FGD6: variants seen among roughly 807,000 people sequenced by gnomAD.
FGD6 encodes FYVE, RhoGEF and PH domain containing 6.
A neutral mutation model predicts 149.4 loss-of-function variants in FGD6; 90 were observed. The ratio of observed to expected loss-of-function variants is 0.60; its 90% confidence interval spans 0.51 to 0.72. The LOEUF is 0.72. Ranked by LOEUF, FGD6 falls within the 30% of genes least tolerant of loss-of-function variation. The probability of loss-of-function intolerance (pLI) is 0.00; values close to 1 mark genes in which losing one functional copy is unlikely to be tolerated. For synonymous variants in FGD6, 527 were observed against 584.0 expected, an observed-to-expected ratio of 0.90 and a Z score of 1.41; for missense variants, 1,437 against 1,684.8, an observed-to-expected ratio of 0.85 and a Z score of 2.57.
chr12:95,169,521 C>T (rs1271905214), intron 3 of FGD6, among the ~76,000 whole-genome samples: 1 of 152,142 alleles, frequency 6.6e-6, no homozygotes, highest in Non-Finnish European at 1.5e-5. Flanking sequence ...CCCTGGGAGT[C>T]TCCACTGCCC....
At chr12:95,141,079 A>C (rs2136262823) in intron 6 of FGD6, among the ~76,000 whole-genome samples, 1 of 151,858 alleles carries the variant, frequency 6.6e-6, no homozygotes, top group South Asian at 2.1e-4. Flanking sequence ...AAAAATTAGA[A>C]AGGCGTGGTG....
chr12:95,152,444 A>AGTAAGAAAATTGCCTATTTC (rs1319147049), intron 5 of FGD6, among the ~76,000 whole-genome samples: 1 of 152,224 alleles, frequency 6.6e-6, no homozygotes, highest in Non-Finnish European at 1.5e-5. Flanking sequence ...AAGGAAAAAT[A>AGTAAGAAAATTGCCTATTTC]GTAAGAAAAT....
chr12:95,187,102 C>T (rs754598866), intron 2 of FGD6, among the ~76,000 whole-genome samples: 2 of 151,976 alleles, frequency 1.3e-5, no homozygotes, highest in African/African-American at 4.8e-5. Context: ...GATGCCGAGG[C>T]GGGCAGATCA....
intron 7 of FGD6, among the ~76,000 whole-genome samples, chr12:95,135,697 G>C (rs937622593): frequency 1.3e-5 from 2 of 152,168 alleles, no homozygotes; most frequent in African/African-American, 4.8e-5. Flanking sequence ...AGTTTTGTTA[G>C]ATTTGCTCAG....
In FGD6 at chr12:95,085,908, C is replaced by A. The variant is rs768626381; in HGVS notation, c.3979G>T (p.Val1327Leu). The part of the protein sequence containing the change: ...QKKIPAALKE[V>L]SANTEDSSMS... ...GAAGAATCCTCTGTGTTTGCTGATA[C>A]CTAGATAAGAAACCCCATACAAAGT... The change falls in exon 19 of 21, where the codon GTA becomes TTA. Residue 1327 changes from valine (V) to leucine (L), a missense_variant and splice_region_variant. Coordinates refer to ENST00000343958, the MANE Select transcript of FGD6 (RefSeq NM_018351.4). 1 of 1,594,342 alleles carries A rather than the reference C, an allele frequency of 6.3e-7. No homozygotes were observed. Among genetic ancestry groups the A allele is most frequent in the South Asian group, 1.2e-5 (1 of 86,252 alleles).
chr12:95,192,629 A>G (rs548011462), intron 2 of FGD6, among the ~76,000 whole-genome samples: 4 of 152,198 alleles, frequency 2.6e-5, no homozygotes, highest in Non-Finnish European at 5.9e-5. Flanking sequence ...TAAGCAAACA[A>G]GTAGATAATA....
chr12:95,118,163 CAATA>C (rs1199030916), intron 8 of FGD6, among the ~76,000 whole-genome samples: 4 of 151,880 alleles, frequency 2.6e-5, no homozygotes, highest in Admixed American at 2.6e-4. Flanking sequence ...CTAGCCTGGC[CAATA>C]TAGTGAAACC....
At chr12:95,145,846 A>G (rs1052367111) in intron 5 of FGD6, among the ~76,000 whole-genome samples, 1 of 151,580 alleles carries the variant, frequency 6.6e-6, no homozygotes, top group Non-Finnish European at 1.5e-5. Context: ...GCTAATTTTT[A>G]TATTTTTAGT....
intron 2 of FGD6, among the ~76,000 whole-genome samples, chr12:95,189,015 TC>T (rs1366269172): frequency 6.6e-6 from 1 of 152,100 alleles, no homozygotes; most frequent in East Asian, 1.9e-4. Flanking sequence ...CCTAGACCAC[TC>T]CCCGCTCTGA....
intron 2 of FGD6, among the ~76,000 whole-genome samples, chr12:95,180,019 G>A (rs1333048823): frequency 1.3e-5 from 2 of 151,336 alleles, no homozygotes; most frequent in South Asian, 2.1e-4. Context: ...CCAAGGTTGC[G>A]GTCAGCTGAG....
chr12:95,163,193 A>AC (rs1378265358), intron 3 of FGD6, among the ~76,000 whole-genome samples: 1 of 151,646 alleles, frequency 6.6e-6, no homozygotes, highest in African/African-American at 2.4e-5. Context: ...GTACTCTCTA[A>AC]CCCACCACGC....
At chr12:95,190,765 T>G (rs1881565268) in intron 2 of FGD6, among the ~76,000 whole-genome samples, 1 of 151,998 alleles carries the variant, frequency 6.6e-6, no homozygotes, top group Non-Finnish European at 1.5e-5. Flanking sequence ...ATGTAAAAAT[T>G]TTGGGCGAGG....
intron 1 of FGD6, among the ~76,000 whole-genome samples, chr12:95,211,968 A>G (rs945252000): frequency 6.6e-6 from 1 of 152,246 alleles, no homozygotes; most frequent in African/African-American, 2.4e-5. Context: ...GCAGCTCTTT[A>G]AACTTCAGAT....
rs190494127 is a variant in FGD6, at chr12:95,194,338, C to T, written c.2441+14505G>A. ...ACAACCTCCACCTCCCAGGTTCAAG[C>T]GATTCTCCTGCCCCAGCCTCCTGAA... is the stretch of plus-strand genomic sequence containing the variant. On this transcript the variant is annotated intron_variant, in intron 2 of 20. Transcript: ENST00000343958. 2.8e-4 allele frequency among the ~76,000 whole-genome samples: 42 copies of T among 152,236 alleles called. 1 individual carries two copies. The East Asian group carries it at 7.1e-3, about 26-fold the overall frequency.
intron 2 of FGD6, 42 bp downstream of exon 2, chr12:95,208,801 T>C (rs757047421): frequency 6.4e-7 from 1 of 1,566,188 alleles, no homozygotes; most frequent in East Asian, 2.3e-5. Context: ...TGAAGGTTAA[T>C]TGCAATGATG....
intron 2 of FGD6, among the ~76,000 whole-genome samples, chr12:95,190,039 A>C (rs960546399): frequency 1.3e-5 from 2 of 151,830 alleles, no homozygotes; most frequent in Non-Finnish European, 2.9e-5. Flanking sequence ...AGTATTTAAT[A>C]CATTGAGAAA....
intron 8 of FGD6, among the ~76,000 whole-genome samples, chr12:95,121,822 ATT>A (rs1483047505): frequency 6.6e-5 from 10 of 151,962 alleles, no homozygotes; most frequent in African/African-American, 2.4e-4. Flanking sequence ...CGCCCAGCTA[ATT>A]TTTGTACTTT....
rs869149638 is a variant in FGD6 at position 95,125,033 on chromosome 12, AT to A, written c.3082+9705del. 4.0e-5 allele frequency among the ~76,000 whole-genome samples: 6 copies of A among 151,852 alleles called. No homozygotes were observed. The South Asian group carries it at 6.3e-4, about 16-fold the overall frequency. On this transcript the variant is annotated intron_variant, in intron 8 of 20. Transcript: ENST00000343958. ...TGTGATTGTGGTATAGCAAAAAAAAATTTTTTTTTAATAACTGTACTTCAGC... is the reference window on the plus strand; with the variant it reads ...TGTGATTGTGGTATAGCAAAAAAAAATTTTTTTTAATAACTGTACTTCAGC...
intron 3 of FGD6, among the ~76,000 whole-genome samples, chr12:95,154,321 A>T (rs1880403460): frequency 6.6e-6 from 1 of 152,202 alleles, no homozygotes; most frequent in African/African-American, 2.4e-5. Flanking sequence ...AGGAACAAAA[A>T]AAATGTGCAT....
Sources: gnomAD v4.1 joint callset for allele counts (sites outside exome capture counted in the v4.1 genomes callset) on GRCh38, gnomAD v4.1.1 for gene constraint, MANE v1.5 for transcripts, NCBI Gene and HGNC (gene_info 2026-07-23, HGNC 2026-07-21) for gene names.